The following GRIP1 variants were observed in gnomAD, a reference collection of about 807,000 sequenced individuals.
The protein encoded by GRIP1 is glutamate receptor interacting protein 1.
In GRIP1, 45 loss-of-function variants were observed where a neutral mutation model predicts 129.9. That is an observed-to-expected ratio of 0.35 (90% CI 0.27 to 0.44). The LOEUF is 0.44. Among genes scored for constraint, GRIP1 ranks in the 20% least tolerant of loss-of-function variants. The pLI, the probability that GRIP1 is intolerant of heterozygous loss-of-function variation, is 1.00. For missense variants in GRIP1, 1,196 were observed against 1,396.8 expected, an observed-to-expected ratio of 0.86 and a Z score of 2.29; for synonymous variants, 530 against 520.8, an observed-to-expected ratio of 1.02 and a Z score of -0.24.
intron 15 of GRIP1, among the ~76,000 whole-genome samples, chr12:66,416,853 T>A (rs1159997926): frequency 6.6e-6 from 1 of 152,014 alleles, no homozygotes; most frequent in Non-Finnish European, 1.5e-5. Context: ...TAAATCCTGC[T>A]AAAACTATTC....
At chr12:66,720,769 C>T (rs1040723589) in intron 1 of GRIP1, among the ~76,000 whole-genome samples, 7 of 152,088 alleles carry the variant, frequency 4.6e-5, no homozygotes, top group Admixed American at 2.0e-4. Flanking sequence ...GATTCTAATT[C>T]TCTTGTTATT....
intron 1 of GRIP1, among the ~76,000 whole-genome samples, chr12:66,902,523 A>G (rs2040859996): frequency 1.3e-5 from 2 of 152,188 alleles, no homozygotes; most frequent in Admixed American, 6.5e-5. Flanking sequence ...TCTTCCTCCT[A>G]TACTCAGTCC....
chr12:66,570,516 C>T (rs983192422), intron 2 of GRIP1, among the ~76,000 whole-genome samples: 2 of 152,116 alleles, frequency 1.3e-5, no homozygotes, highest in Admixed American at 6.5e-5. Context: ...TATTCCTCCA[C>T]ATAAGATTTT....
chr12:66,495,038 C>T (rs933347682), intron 7 of GRIP1, among the ~76,000 whole-genome samples: 3 of 152,116 alleles, frequency 2.0e-5, no homozygotes, highest in East Asian at 1.9e-4. Context: ...CGATGCTTGT[C>T]GATACAAACT....
At chr12:66,863,300 T>C (rs535575278) in intron 1 of GRIP1, among the ~76,000 whole-genome samples, 29 of 152,290 alleles carry the variant, frequency 1.9e-4, no homozygotes, top group African/African-American at 7.0e-4. Flanking sequence ...GCTAAGAATA[T>C]AGAACATTGA....
intron 1 of GRIP1, among the ~76,000 whole-genome samples, chr12:66,814,938 C>G (rs1448259731): frequency 6.6e-6 from 1 of 152,084 alleles, no homozygotes; most frequent in East Asian, 1.9e-4. Flanking sequence ...CTCACTATCA[C>G]AAGAACAGCA....
intron 7 of GRIP1, among the ~76,000 whole-genome samples, chr12:66,483,864 CTTT>C (rs35891506): frequency 1.4e-5 from 2 of 145,990 alleles, no homozygotes; most frequent in Non-Finnish European, 1.5e-5. Flanking sequence ...ATCCTAACTT[CTTT>C]TTTTTTTTTT....
intron 1 of GRIP1, among the ~76,000 whole-genome samples, chr12:66,726,993 T>C (rs1368753263): frequency 6.6e-6 from 1 of 152,196 alleles, no homozygotes; most frequent in Non-Finnish European, 1.5e-5. Context: ...TATATTGTAG[T>C]AGTACAAAAT....
Position 66,699,563 on chromosome 12 carries a change from G to A in GRIP1, c.-419-69227C>T, listed in dbSNP as rs542158493. 5.3e-5 allele frequency among the ~76,000 whole-genome samples: 8 copies of A among 152,076 alleles called. No individual in the cohort carries two copies. In the South Asian group the frequency reaches 1.0e-3, roughly 20 times the overall value. ...TAAGACATGACTTTGCTCCTCATTCGCCTTCCACCATGATTGTGAAGTCTC... is the reference window on the plus strand; with the variant it reads ...TAAGACATGACTTTGCTCCTCATTCACCTTCCACCATGATTGTGAAGTCTC... On this transcript the variant is annotated intron_variant, in intron 1 of 4. Coordinates refer to the GRIP1 transcript ENST00000538373.
intron 2 of GRIP1, among the ~76,000 whole-genome samples, chr12:66,559,388 C>T (rs2062441441): frequency 6.6e-6 from 1 of 152,078 alleles, no homozygotes; most frequent in African/African-American, 2.4e-5. Flanking sequence ...AGGAAGAAGT[C>T]AAATTATCCT....
chr12:66,425,431 T>G (rs1247733235), intron 14 of GRIP1, among the ~76,000 whole-genome samples: 11 of 152,164 alleles, frequency 7.2e-5, no homozygotes, highest in Admixed American at 7.2e-4. Context: ...CTCAGGGATC[T>G]AGAACTAGAA....
upstream of GRIP1, among the ~76,000 whole-genome samples, chr12:66,679,469 A>G (rs1243165304): frequency 2.0e-5 from 3 of 151,360 alleles, no homozygotes; most frequent in African/African-American, 4.9e-5. Context: ...AAAAAAGGAA[A>G]GAAAAAGAGG....
chr12:66,349,694 G>A (rs1026816237), intron 24 of GRIP1, among the ~76,000 whole-genome samples: 10 of 152,138 alleles, frequency 6.6e-5, no homozygotes, highest in African/African-American at 1.9e-4. Context: ...TCCCACAAGC[G>A]AGCTCCACCA....
intron 1 of GRIP1, among the ~76,000 whole-genome samples, chr12:66,944,941 T>C (rs912623972): frequency 6.6e-6 from 1 of 151,972 alleles, no homozygotes; most frequent in African/African-American, 2.4e-5. Flanking sequence ...TACAGGCATG[T>C]GCCACCACGC....
Position 66,586,652 on chromosome 12 carries a change from T to C in GRIP1, c.136+10195A>G, listed in dbSNP as rs563319828. 4.6e-5 allele frequency among the ~76,000 whole-genome samples: 7 copies of C among 152,342 alleles called. No individual in the cohort carries two copies. In the East Asian group the frequency reaches 1.3e-3, roughly 29 times the overall value. Reference sequence around the variant, plus strand: ...TCTGTTTCAGTAAATGGCATCAGTATTTACCCAATTGTTAAGAGCAAAAAC... The same window carrying C: ...TCTGTTTCAGTAAATGGCATCAGTACTTACCCAATTGTTAAGAGCAAAAAC... On this transcript the variant is annotated intron_variant, in intron 2 of 24. Coordinates refer to ENST00000359742, the MANE Select transcript of GRIP1 (RefSeq NM_001366722.1).
chr12:66,538,985 T>C (rs1375881273), intron 4 of GRIP1, 93 bp downstream of exon 4: 1 of 1,041,092 alleles, frequency 9.6e-7, no homozygotes, highest in Non-Finnish European at 1.5e-6. Context: ...AAAAACCTGA[T>C]ATATATAGGG....
chr12:66,815,756 C>A (rs1285114479), intron 1 of GRIP1, among the ~76,000 whole-genome samples: 1 of 148,542 alleles, frequency 6.7e-6, no homozygotes, highest in African/African-American at 2.4e-5. Context: ...AGAATAAGAC[C>A]CCGACTCAAA....
chr12:66,822,994 T>C (rs1367436707), intron 1 of GRIP1, among the ~76,000 whole-genome samples: 1 of 152,142 alleles, frequency 6.6e-6, no homozygotes, highest in Admixed American at 6.5e-5. Flanking sequence ...GTTAAAATTA[T>C]AAAAATAGAT....
intron 13 of GRIP1, 137 bp from the exon 14 acceptor site, chr12:66,432,765 T>G: frequency 1.5e-6 from 1 of 645,740 alleles, no homozygotes; most frequent in Admixed American, 2.5e-5. Flanking sequence ...ATGAAGGCCT[T>G]TAAAATCCTA....
Sources: gnomAD v4.1 joint callset for allele counts (sites outside exome capture counted in the v4.1 genomes callset) on GRCh38, gnomAD v4.1.1 for gene constraint, MANE v1.5 for transcripts, NCBI Gene and HGNC (gene_info 2026-07-23, HGNC 2026-07-21) for gene names.